KIAA1217: variants seen among roughly 807,000 people sequenced by gnomAD.
KIAA1217 encodes the protein sickle tail protein homolog.
Under a neutral mutation model 163.9 loss-of-function variants are expected in KIAA1217, and 88 were observed. That is an observed-to-expected ratio of 0.54 (90% CI 0.45 to 0.64). The LOEUF (loss-of-function observed/expected upper bound fraction) is 0.64, where lower values mean the gene tolerates loss of function less well. Ranked by LOEUF, KIAA1217 falls within the 30% of genes least tolerant of loss-of-function variation. KIAA1217 has a pLI of 0.00. For missense variants in KIAA1217, 2,372 were observed against 2,475.0 expected (o/e 0.96, Z 0.88); for synonymous variants, 903 against 923.1 (o/e 0.98, Z 0.39).
At chr10:23,892,794 A>T (rs1452401976) in intron 1 of KIAA1217, among the ~76,000 whole-genome samples, 2 of 151,970 alleles carry the variant, frequency 1.3e-5, no homozygotes, top group East Asian at 3.9e-4. Flanking sequence ...TTTTGATAGA[A>T]CTGGAACAAA....
At chr10:24,062,725 C>T (rs888887499) in intron 2 of KIAA1217, among the ~76,000 whole-genome samples, 42 of 152,102 alleles carry the variant, frequency 2.8e-4, no homozygotes, top group Middle Eastern at 3.4e-3. Context: ...CTGACTTCCA[C>T]AATGGTTGAA....
In KIAA1217 at chr10:24,427,779, G is replaced by A. The variant is rs557704204; in HGVS notation, c.554-5216G>A. Among the ~76,000 whole-genome samples, 28 of 152,224 alleles carry A rather than the reference G, an allele frequency of 1.8e-4. No individual in the cohort carries two copies. In the South Asian group the frequency reaches 4.6e-3, roughly 25 times the overall value. The stretch of plus-strand genomic sequence containing the variant: ...CGAGGAAGCCTGTGCCAAAGCATGC[G>A]GAATCTCTAGAAACCATGTGGGCTT... On this transcript the variant is annotated intron_variant, in intron 3 of 20. Coordinates refer to ENST00000376454, the MANE Select transcript of KIAA1217 (RefSeq NM_019590.5).
intron 1 of KIAA1217, among the ~76,000 whole-genome samples, chr10:23,913,939 C>T (rs768201143): frequency 2.6e-5 from 4 of 152,122 alleles, no homozygotes; most frequent in African/African-American, 4.8e-5. Context: ...CTCTACGTAA[C>T]CAGCATGTAC....
intron 2 of KIAA1217, among the ~76,000 whole-genome samples, chr10:24,201,906 G>A (rs762407981): frequency 6.1e-5 from 8 of 132,018 alleles, no homozygotes; most frequent in South Asian, 2.7e-4. Flanking sequence ...CCTCTCGAGC[G>A]CCCCCAACCT....
chr10:24,485,240 G>A (rs1052734453), intron 6 of KIAA1217, among the ~76,000 whole-genome samples: 1 of 152,106 alleles, frequency 6.6e-6, no homozygotes, highest in Non-Finnish European at 1.5e-5. Context: ...GGGTGTGAGA[G>A]AATGGGTACC....
At chr10:24,196,383 T>A (rs573753933) in intron 2 of KIAA1217, among the ~76,000 whole-genome samples, 1 of 152,366 alleles carries the variant, frequency 6.6e-6, no homozygotes, top group East Asian at 1.9e-4. Context: ...GAAATTTTCC[T>A]GATTTCTGTT....
At chr10:24,053,903 A>G (rs1272863907) in intron 2 of KIAA1217, among the ~76,000 whole-genome samples, 1 of 152,130 alleles carries the variant, frequency 6.6e-6, no homozygotes, top group Non-Finnish European at 1.5e-5. Context: ...ATAATAGACC[A>G]TGTTGGTTGC....
At chr10:23,956,995 A>T (rs1844592864) in intron 1 of KIAA1217, among the ~76,000 whole-genome samples, 1 of 152,024 alleles carries the variant, frequency 6.6e-6, no homozygotes. Flanking sequence ...ACTTTCTTCC[A>T]GTTGCCACCC....
chr10:23,978,187 G>A (rs12253961), intron 1 of KIAA1217, among the ~76,000 whole-genome samples: 9,545 of 152,150 alleles, frequency 0.063, 1,020 homozygotes, highest in African/African-American at 0.22. Context: ...TTCCTCAGTC[G>A]GAGACCCAAG....
chr10:24,037,631 G>A (rs980444318), intron 2 of KIAA1217, among the ~76,000 whole-genome samples: 12 of 152,218 alleles, frequency 7.9e-5, no homozygotes, highest in African/African-American at 2.7e-4. Flanking sequence ...GTTGATCACA[G>A]GAGACAGATT....
intron 2 of KIAA1217, among the ~76,000 whole-genome samples, chr10:24,179,370 C>G (rs1564795965): frequency 2.6e-5 from 4 of 152,092 alleles, no homozygotes; most frequent in Non-Finnish European, 5.9e-5. Flanking sequence ...TCATGATAGA[C>G]TTCTCATGAG....
intron 2 of KIAA1217, among the ~76,000 whole-genome samples, chr10:24,192,511 T>C (rs1447351261): frequency 6.6e-6 from 1 of 152,174 alleles, no homozygotes; most frequent in South Asian, 2.1e-4. Flanking sequence ...TCCAGTGTCA[T>C]CCCCATAAGG....
rs771913324 is a variant in KIAA1217 at position 24,546,007 on chromosome 10, C to A, written c.5515C>A (p.Pro1839Thr). 1.2e-6 allele frequency: 2 copies of A among 1,614,138 alleles called. No individual in the cohort carries two copies. The highest frequency in any genetic ancestry group is 1.7e-6 in the Non-Finnish European group (2 of 1,180,016). ...PATKPSIASNPLSPQTGPPAH... is the reference protein window; with the variant it reads ...PATKPSIASNTLSPQTGPPAH... The stretch of plus-strand genomic sequence containing the variant: ...TACTAAACCATCGATTGCTTCTAAC[C>A]CTCTCAGCCCCCAAACAGGACCACC... Residue 1839 changes from proline to threonine, a missense_variant, in exon 21 of 21, where the codon CCT becomes ACT. Transcript: ENST00000376454.
chr10:23,849,408 C>T (rs1024211668), intron 1 of KIAA1217, among the ~76,000 whole-genome samples: 3 of 151,924 alleles, frequency 2.0e-5, no homozygotes, highest in African/African-American at 4.8e-5. Context: ...GGGCAAGGAC[C>T]CTAGATCTGT....
chr10:24,059,893 C>T (rs2060655835), intron 2 of KIAA1217, among the ~76,000 whole-genome samples: 1 of 152,106 alleles, frequency 6.6e-6, no homozygotes, highest in African/African-American at 2.4e-5. Flanking sequence ...TTCTTCATCA[C>T]CCAGTCTTGG....
At chr10:23,839,773 C>A (rs972797345) in intron 1 of KIAA1217, among the ~76,000 whole-genome samples, 1 of 152,134 alleles carries the variant, frequency 6.6e-6, no homozygotes, top group Non-Finnish European at 1.5e-5. Context: ...TCTCATCTTA[C>A]AATAGATTTG....
intron 2 of KIAA1217, among the ~76,000 whole-genome samples, chr10:24,279,082 C>T (rs943326983): frequency 1.3e-5 from 2 of 152,024 alleles, no homozygotes; most frequent in South Asian, 2.1e-4. Flanking sequence ...TCAGGTGATC[C>T]GCACATCTTG....
At chr10:24,283,815 A>T (rs1380619436) in intron 2 of KIAA1217, among the ~76,000 whole-genome samples, 1 of 152,122 alleles carries the variant, frequency 6.6e-6, no homozygotes, top group African/African-American at 2.4e-5. Context: ...GATTTTAGTC[A>T]TTATAGTAGT....
chr10:24,463,071 G>A (rs759695211), intron 5 of KIAA1217, among the ~76,000 whole-genome samples: 1 of 152,208 alleles, frequency 6.6e-6, no homozygotes, highest in Non-Finnish European at 1.5e-5. Context: ...TTTACAAACT[G>A]TAACTATTTT....
Sources: gnomAD v4.1 joint callset for allele counts (sites outside exome capture counted in the v4.1 genomes callset) on GRCh38, gnomAD v4.1.1 for gene constraint, MANE v1.5 for transcripts, NCBI Gene and HGNC (gene_info 2026-07-23, HGNC 2026-07-21) for gene names.